KLC1: variants seen among roughly 807,000 people sequenced by gnomAD.
The protein encoded by KLC1 is kinesin light chain 1.
KLC1 carries 30 observed loss-of-function variants against 84.2 expected under a neutral mutation model. The observed-to-expected ratio is 0.36, with a 90% CI of 0.27 to 0.48. The LOEUF (loss-of-function observed/expected upper bound fraction) is 0.48, where lower values mean the gene tolerates loss of function less well. Among genes scored for constraint, KLC1 ranks in the 20% least tolerant of loss-of-function variants. The probability of loss-of-function intolerance (pLI) is 0.99; values close to 1 mark genes in which losing one functional copy is unlikely to be tolerated. For missense variants in KLC1, 499 were observed against 805.4 expected (o/e 0.62, Z 4.60); for synonymous variants, 289 against 293.3 (o/e 0.99, Z 0.15).
chr14:103,662,399 A>G (rs1318683204), intron 4 of KLC1, among the ~76,000 whole-genome samples: 3 of 152,232 alleles, frequency 2.0e-5, no homozygotes, highest in African/African-American at 7.2e-5. Context: ...ATACAGCGGC[A>G]TGCACGTGCA....
intron 1 of KLC1, among the ~76,000 whole-genome samples, chr14:103,647,138 A>G (rs913281704): frequency 3.3e-5 from 5 of 152,154 alleles, no homozygotes; most frequent in African/African-American, 1.2e-4. Flanking sequence ...AACATGCTAC[A>G]GTTACCTTGT....
intron 1 of KLC1, among the ~76,000 whole-genome samples, chr14:103,639,442 TTTAC>T (rs1304996859): frequency 4.0e-5 from 6 of 151,876 alleles, no homozygotes; most frequent in African/African-American, 1.5e-4. Context: ...TTTCTTGTCT[TTTAC>T]TTATTTATTT....
intron 4 of KLC1, among the ~76,000 whole-genome samples, chr14:103,662,457 A>G (rs1415373759): frequency 6.6e-6 from 1 of 151,998 alleles, no homozygotes; most frequent in Non-Finnish European, 1.5e-5. Context: ...GGTCAGAATT[A>G]CTTATCCTGC....
chr14:103,674,157 C>T (rs1459678716), intron 9 of KLC1, among the ~76,000 whole-genome samples: 2 of 152,190 alleles, frequency 1.3e-5, no homozygotes, highest in Admixed American at 6.5e-5. Flanking sequence ...CCAAATTCAT[C>T]TTTTCACATT....
chr14:103,657,797 TGTG>T (rs1291478055), intron 3 of KLC1, 21 bp downstream of exon 3: 10 of 1,554,470 alleles, frequency 6.4e-6, no homozygotes, highest in Admixed American at 1.7e-5. Flanking sequence ...CTGTAGCAAA[TGTG>T]GTGCTAATGT....
At chr14:103,675,667 G>A in intron 10 of KLC1, 22 bp from the exon 11 acceptor site, 3 of 1,604,848 alleles carry the variant, frequency 1.9e-6, no homozygotes, top group Non-Finnish European at 2.6e-6. Flanking sequence ...TTATTCATTT[G>A]AAATTATTTC....
intron 1 of KLC1, among the ~76,000 whole-genome samples, chr14:103,644,977 CTCTT>C (rs989609320): frequency 5.9e-5 from 9 of 151,386 alleles, no homozygotes; most frequent in Admixed American, 1.3e-4. Context: ...CTTTCTCTCT[CTCTT>C]TCTTTCTTTT....
intron 1 of KLC1, among the ~76,000 whole-genome samples, chr14:103,631,166 C>T (rs1179302210): frequency 1.3e-5 from 2 of 151,960 alleles, no homozygotes; most frequent in Non-Finnish European, 2.9e-5. Context: ...CTGCAAGCTC[C>T]GCCTCCCGGG....
chr14:103,693,568 C>T lies in KLC1; in HGVS notation c.1848+1143C>T, dbSNP rs1595581483. The T allele has an allele frequency of 6.5e-7, 1 of 1,536,132 alleles. No individual in the cohort carries two copies. On this transcript the variant is annotated intron_variant, in intron 15 of 16. Transcript: ENST00000334553. This position sits in a 1 kb window ranked among gnomAD's most constrained non-coding sequence, Gnocchi z 5.1. ...TTTCATGCAGGAACGAAATAATTGT[C>T]TGGCCGACTCGCGAGCTCTGAGTGC...
intron 1 of KLC1, among the ~76,000 whole-genome samples, chr14:103,638,902 T>G (rs558848738): frequency 3.9e-4 from 58 of 149,778 alleles, no homozygotes; most frequent in East Asian, 3.1e-3. Flanking sequence ...AGCACAAGGG[T>G]GTGTGTGTGT....
intron 1 of KLC1, among the ~76,000 whole-genome samples, chr14:103,645,059 C>T (rs548228730): frequency 4.7e-4 from 71 of 151,990 alleles, no homozygotes; most frequent in Admixed American, 9.9e-4. Context: ...CTGCAACCTC[C>T]GCCTCCTGGG....
chr14:103,665,392 G>T (rs531601759), intron 5 of KLC1, among the ~76,000 whole-genome samples: 30 of 151,742 alleles, frequency 2.0e-4, no homozygotes, highest in South Asian at 4.3e-4. Flanking sequence ...CTTTCTTTCT[G>T]TCTGTCTGTC....
intron 13 of KLC1, among the ~76,000 whole-genome samples, chr14:103,680,473 A>C (rs1189974620): frequency 6.6e-6 from 1 of 152,146 alleles, no homozygotes; most frequent in African/African-American, 2.4e-5. Context: ...AAATCCTTTT[A>C]TTCTTTAGGA....
intron 13 of KLC1, chr14:103,685,805 TG>T (rs35965972): frequency 2.3e-5 from 28 of 1,211,936 alleles, no homozygotes; most frequent in Non-Finnish European, 2.7e-5. Flanking sequence ...CTGTCCTTTT[TG>T]GGGGGGTTCC....
At chr14:103,641,920 C>T (rs1376153439) in intron 1 of KLC1, among the ~76,000 whole-genome samples, 2 of 151,696 alleles carry the variant, frequency 1.3e-5, no homozygotes, top group African/African-American at 4.8e-5. Flanking sequence ...CTATACTCTG[C>T]CTAGGTTCCC....
In KLC1 at chr14:103,700,663, TGGC is replaced by T; in HGVS notation, c.1858_1860del (p.Gly620del). Reference sequence around the variant, plus strand: ...CTGTGCTTCATCTCCAGGGCGTCTCTGGCCGAGCCTCTTTTTGTGGAAAACGAC... The same window carrying T: ...CTGTGCTTCATCTCCAGGGCGTCTCTCGAGCCTCTTTTTGTGGAAAACGAC... On this transcript the variant is annotated inframe_deletion, in exon 16 of 17. Coordinates refer to ENST00000334553, the MANE Select transcript of KLC1 (RefSeq NM_001394837.1). 6.2e-7 allele frequency: 1 copy of T among 1,607,402 alleles called. No individual in the cohort carries two copies. Among genetic ancestry groups the T allele is most frequent in the Non-Finnish European group, 8.5e-7 (1 of 1,177,558 alleles).
chr14:103,667,236 C>T lies in KLC1; in HGVS notation c.798-2275C>T, dbSNP rs34526505. Among the ~76,000 whole-genome samples the T allele has an allele frequency of 6.5e-3, 992 of 152,148 alleles. 5 individuals are homozygous for T. The highest frequency in any genetic ancestry group is 0.011 in the Non-Finnish European group (754 of 68,014). On this transcript the variant is annotated intron_variant, in intron 5 of 16. Transcript: ENST00000334553. ...AAGCGATTCTTCTGCCTCAGGCTCC[C>T]GAGTAGCTGGGATTACAGGTGCCTG...
chr14:103,645,964 T>C (rs1308918458), intron 1 of KLC1, among the ~76,000 whole-genome samples: 1 of 151,980 alleles, frequency 6.6e-6, no homozygotes, highest in Non-Finnish European at 1.5e-5. Context: ...TTCATCGTGT[T>C]AGCCAGGATG....
intron 11 of KLC1, among the ~76,000 whole-genome samples, chr14:103,676,032 G>C (rs79992973): frequency 0.018 from 2,759 of 152,282 alleles, 74 homozygotes; most frequent in African/African-American, 0.058. Flanking sequence ...AAATTCATGA[G>C]AAGCATGCCA....
Sources: allele counts gnomAD v4.1 joint callset (sites outside exome capture counted in the v4.1 genomes callset), GRCh38; gene constraint gnomAD v4.1.1; non-coding constraint Gnocchi (gnomAD v3.1); transcripts MANE v1.5; gene names NCBI Gene and HGNC (gene_info 2026-07-23, HGNC 2026-07-21).